NKTR: variants seen among roughly 807,000 people sequenced by gnomAD.
NKTR encodes NK-tumor recognition protein.
Under a neutral mutation model 156.3 loss-of-function variants are expected in NKTR, and 67 were observed. The ratio of observed to expected loss-of-function variants is 0.43; its 90% CI spans 0.35 to 0.53. The LOEUF is 0.53. NKTR is among the 20% of genes least tolerant of loss of function. NKTR has a pLI of 0.01. For synonymous variants in NKTR, 640 were observed against 596.6 expected (o/e 1.07, Z -1.06); for missense variants, 1,604 against 1,730.9 (o/e 0.93, Z 1.30).
chr3:42,638,182 G>A lies in NKTR; in HGVS notation c.2478G>A (p.Glu826=). Reference sequence around the variant, plus strand: ...CCACACAGTCAGCCCAGGAAAAAGAGAAGCAGGGCCAAATGGAAAGAACAC... The same window carrying A: ...CCACACAGTCAGCCCAGGAAAAAGAAAAGCAGGGCCAAATGGAAAGAACAC... The part of the protein sequence containing the change: ...VQATQSAQEK[E]KQGQMERTHN... Residue 826 remains glutamate (E), a synonymous_variant, in exon 13 of 17, where the codon GAG becomes GAA. Coordinates refer to ENST00000232978, the MANE Select transcript of NKTR (RefSeq NM_005385.4). 1 of 1,612,162 alleles carries A rather than the reference G, an allele frequency of 6.2e-7. No homozygotes were observed. Among genetic ancestry groups the A allele is most frequent in the Non-Finnish European group, 8.5e-7 (1 of 1,179,590 alleles).
intron 2 of NKTR, among the ~76,000 whole-genome samples, chr3:42,611,565 C>G (rs969046547): frequency 6.6e-6 from 1 of 151,962 alleles, no homozygotes; most frequent in Admixed American, 6.6e-5. Flanking sequence ...AACCCCATCT[C>G]TACTAAAAAT....
chr3:42,612,014 T>C (rs1393706767), intron 2 of NKTR, among the ~76,000 whole-genome samples: 1 of 152,166 alleles, frequency 6.6e-6, no homozygotes. Context: ...GGCAGGAGGA[T>C]TGCTTGAGCC....
At chr3:42,640,785 G>A (rs1490525121) in intron 13 of NKTR, among the ~76,000 whole-genome samples, 3 of 152,320 alleles carry the variant, frequency 2.0e-5, no homozygotes, top group African/African-American at 7.2e-5. Flanking sequence ...GGAGCCCTCT[G>A]CTAGCTCTCC....
chr3:42,608,674 T>C (rs1258006424), intron 2 of NKTR, among the ~76,000 whole-genome samples: 2 of 152,202 alleles, frequency 1.3e-5, no homozygotes, highest in African/African-American at 4.8e-5. Flanking sequence ...TCTCTGAAGG[T>C]TGGAAAGTGA....
At chr3:42,632,061 C>CTTTTT (rs564114469) in intron 8 of NKTR, among the ~76,000 whole-genome samples, 95 of 86,510 alleles carry the variant, frequency 1.1e-3, no homozygotes, top group Non-Finnish European at 1.4e-3. Context: ...TTATGCAATT[C>CTTTTT]TTTTTTTTTT....
At chr3:42,612,573 A>T (rs1278367898) in intron 2 of NKTR, among the ~76,000 whole-genome samples, 2 of 152,212 alleles carry the variant, frequency 1.3e-5, no homozygotes, top group Non-Finnish European at 2.9e-5. Context: ...AATGTAATAT[A>T]TTCAGTGCCC....
chr3:42,624,717 ACTCTG>A (rs1423200499), intron 6 of NKTR, among the ~76,000 whole-genome samples: 33 of 152,126 alleles, frequency 2.2e-4, no homozygotes, highest in African/African-American at 7.7e-4. Context: ...TTTATTAACC[ACTCTG>A]CTCTGAATTT....
At chr3:42,643,670 T>C in intron 15 of NKTR, 1 of 672,270 alleles carries the variant, frequency 1.5e-6, no homozygotes. Context: ...CTCGTTAACT[T>C]TGTGATATTT....
At chr3:42,616,375 AT>A (rs1707371527) in intron 2 of NKTR, among the ~76,000 whole-genome samples, 1 of 152,194 alleles carries the variant, frequency 6.6e-6, no homozygotes, top group African/African-American at 2.4e-5. Flanking sequence ...TAAAGTCACA[AT>A]TATTTTTATA....
intron 15 of NKTR, 27 bp downstream of exon 15, chr3:42,643,422 A>G (rs199753112): frequency 6.3e-7 from 1 of 1,576,674 alleles, no homozygotes; most frequent in East Asian, 2.2e-5. Flanking sequence ...GGAAACCACC[A>G]GTGGGGCAGA....
In NKTR at chr3:42,637,734, C is replaced by T. The variant is rs767444767; in HGVS notation, c.2030C>T (p.Thr677Ile). ...AAAAATTCGGAAAGTGATCAGAGCA[C>T]TTATTCAAAATACAGTGATAGAAGT... ...REKNSESDQS[T>I]YSKYSDRSSE... The change falls in exon 13 of 17, where the codon ACT (threonine) becomes ATT (isoleucine). Residue 677 changes from threonine (T) to isoleucine (I), a missense_variant. Transcript: ENST00000232978. 2 of 1,613,886 alleles carry T rather than the reference C, an allele frequency of 1.2e-6. No individual in the cohort carries two copies. Among genetic ancestry groups the T allele is most frequent in the Non-Finnish European group, 1.7e-6 (2 of 1,179,996 alleles).
intron 2 of NKTR, 33 bp downstream of exon 2, chr3:42,601,097 C>T: frequency 6.6e-7 from 1 of 1,526,260 alleles, no homozygotes; most frequent in East Asian, 2.6e-5. Context: ...CTGCTGGGGC[C>T]GAGGCCTGCC....
intron 2 of NKTR, among the ~76,000 whole-genome samples, chr3:42,608,020 C>CTTTTTTTTTTTTTTTTTT (rs1188107179): frequency 3.8e-5 from 3 of 79,980 alleles, no homozygotes; most frequent in Non-Finnish European, 5.3e-5. Context: ...TTTGAGTTTC[C>CTTTTTTTTTTTTTTTTTT]TTCTTGTCAC....
chr3:42,604,855 A>AT (rs1450956480), intron 2 of NKTR, among the ~76,000 whole-genome samples: 1 of 150,268 alleles, frequency 6.7e-6, no homozygotes, highest in African/African-American at 2.4e-5. Context: ...TGCCTGGCTA[A>AT]TTTTTTGTAT....
At chr3:42,615,806 A>T (rs780027444) in intron 2 of NKTR, among the ~76,000 whole-genome samples, 2 of 152,184 alleles carry the variant, frequency 1.3e-5, no homozygotes, top group Non-Finnish European at 2.9e-5. Flanking sequence ...TACATTTATT[A>T]TACTGGTAAA....
chr3:42,619,649 G>C lies in NKTR; in HGVS notation c.242-15G>C, dbSNP rs774458719. 6.2e-7 allele frequency: 1 copy of C among 1,604,784 alleles called. No homozygotes were observed. The highest frequency in any genetic ancestry group is 2.2e-5 in the East Asian group (1 of 44,534). On this transcript the variant is annotated splice_polypyrimidine_tract_variant and intron_variant, in intron 4 of 16. Coordinates refer to ENST00000232978, the MANE Select transcript of NKTR (RefSeq NM_005385.4). ...TTAATGTTCATTATGGCTTAAAGTA[G>C]GTGATTATTTGCAGGTAATGGAAAA...
chr3:42,642,447 A>T, intron 13 of NKTR, 54 bp from the exon 14 acceptor site: 1 of 1,350,124 alleles, frequency 7.4e-7, no homozygotes, highest in Non-Finnish European at 1.1e-6. Context: ...AATTAATTTT[A>T]ATATCATGAT....
At chr3:42,634,903 A>C (rs1709235604) in intron 11 of NKTR, 1 of 484,710 alleles carries the variant, frequency 2.1e-6, no homozygotes, top group Non-Finnish European at 3.6e-6. Context: ...TGAAAGGAGG[A>C]ACATGTGAAA....
At chr3:42,614,842 T>C (rs1707189041) in intron 2 of NKTR, among the ~76,000 whole-genome samples, 1 of 152,138 alleles carries the variant, frequency 6.6e-6, no homozygotes, top group Non-Finnish European at 1.5e-5. Flanking sequence ...GGTTAATGTG[T>C]TTTTTTCAGG....
Sources: gnomAD v4.1 joint callset for allele counts (sites outside exome capture counted in the v4.1 genomes callset) on GRCh38, gnomAD v4.1.1 for gene constraint, MANE v1.5 for transcripts, NCBI Gene and HGNC (gene_info 2026-07-23, HGNC 2026-07-21) for gene names.